Variants in EPS15L1 observed in about 807,000 individuals in gnomAD.
The protein encoded by EPS15L1 is epidermal growth factor receptor substrate 15-like 1.
A neutral mutation model predicts 117.1 loss-of-function variants in EPS15L1; 43 were observed. The observed-to-expected ratio is 0.37, with a 90% confidence interval of 0.29 to 0.47. The LOEUF (loss-of-function observed/expected upper bound fraction) is 0.47, where lower values mean the gene tolerates loss of function less well. EPS15L1 is among the 20% of genes least tolerant of loss of function. The probability of loss-of-function intolerance (pLI) is 0.99; values close to 1 mark genes in which losing one functional copy is unlikely to be tolerated. For missense variants in EPS15L1, 981 were observed against 1,164.0 expected, an observed-to-expected ratio of 0.84 and a Z score of 2.29; for synonymous variants, 459 against 470.5, an observed-to-expected ratio of 0.98 and a Z score of 0.32.
At chr19:16,401,278 T>G in intron 16 of EPS15L1, 1 of 985,454 alleles carries the variant, frequency 1.0e-6, no homozygotes. Flanking sequence ...ACGCGTGTGC[T>G]TCCCCATAAA....
At chr19:16,400,229 C>A (rs1165499679) in intron 16 of EPS15L1, among the ~76,000 whole-genome samples, 1 of 151,220 alleles carries the variant, frequency 6.6e-6, no homozygotes, top group East Asian at 2.0e-4. Context: ...CTCTGCTACT[C>A]GGGAGGCTGA....
chr19:16,459,175 G>A (rs114767904), intron 1 of EPS15L1, among the ~76,000 whole-genome samples: 149 of 152,334 alleles, frequency 9.8e-4, no homozygotes, highest in African/African-American at 3.4e-3. Context: ...AGTCCATCAT[G>A]GTTATGCGGT....
chr19:16,380,009 A>C (rs917403860), intron 21 of EPS15L1, among the ~76,000 whole-genome samples: 12 of 152,114 alleles, frequency 7.9e-5, no homozygotes, highest in Non-Finnish European at 8.8e-5. Flanking sequence ...GCAGCTGTCT[A>C]AAGCTCCAGC....
rs2092642738 is a variant in EPS15L1, at chr19:16,405,068, G to A, written c.1267-319C>T. 1.3e-5 allele frequency among the ~76,000 whole-genome samples: 2 copies of A among 152,248 alleles called. No individual in the cohort carries two copies. Among genetic ancestry groups the A allele is most frequent in the Admixed American group, 1.3e-4 (2 of 15,290 alleles). ...GACATGCAGCTGTGGCTGCGGAGGG[G>A]AACATCACCCAAACGCAAATAAACG... On this transcript the variant is annotated intron_variant, in intron 13 of 23. Transcript: ENST00000455140. This position sits in a 1 kb window ranked among gnomAD's most constrained non-coding sequence, Gnocchi z 4.0.
chr19:16,425,274 G>T lies in EPS15L1; in HGVS notation c.601C>A (p.Pro201Thr). 6.6e-7 allele frequency: 1 copy of T among 1,524,100 alleles called. No homozygotes were observed. The highest frequency in any genetic ancestry group is 9.0e-7 in the Non-Finnish European group (1 of 1,109,118). The allele number at this position is 1,524,100 out of a possible 1,614,324, so 94.4% of individuals were successfully genotyped here. A position where few individuals can be genotyped will look rare whatever the true frequency, so the allele number is the denominator to read the frequency against. Residue 201 changes from proline (P) to threonine (T), a missense_variant, in exon 9 of 24, where the codon CCC (proline) becomes ACC (threonine). Around this residue, in one of 5 missense-constraint regions of EPS15L1, gnomAD observed 819 missense variants for 949.0 expected, o/e 0.86. Coordinates refer to ENST00000455140, the MANE Select transcript of EPS15L1 (RefSeq NM_001258374.3). Reference protein sequence around the residue: ...VYRALEKEPVPSALPPSLIPP... With the variant: ...VYRALEKEPVTSALPPSLIPP... ...ATGAGGGACGGGGGCAGGGCGGAGG[G>T]CACGGGCTCCTTCTCCAGGGCTCGG...
At position 16,381,794 on chromosome 19, in the gene EPS15L1, C is replaced by T. The variant is rs374070120; in HGVS notation, c.2247+3335G>A. ...ACTGGCCCGTCTGTGGGTGCTTCTG[C>T]GATTCATGGAACATGTCCCTGGGCC... On this transcript the variant is annotated intron_variant, in intron 21 of 23. Coordinates refer to ENST00000455140, the MANE Select transcript of EPS15L1 (RefSeq NM_001258374.3). This position sits in a 1 kb window ranked among gnomAD's most constrained non-coding sequence, Gnocchi z 4.2. Among the ~76,000 whole-genome samples the T allele has an allele frequency of 1.1e-4, 17 of 152,312 alleles. No homozygotes were observed. Among genetic ancestry groups the T allele is most frequent in the African/African-American group, 3.1e-4 (13 of 41,578 alleles).
At chr19:16,358,695 G>T (rs2092014294) in intron 23 of EPS15L1, among the ~76,000 whole-genome samples, 1 of 152,232 alleles carries the variant, frequency 6.6e-6, no homozygotes, top group Non-Finnish European at 1.5e-5. Context: ...GAGGCGCCCG[G>T]CACCTGTCCT....
chr19:16,436,791 A>G lies in EPS15L1; in HGVS notation c.372+146T>C, dbSNP rs549014187. 869 of 633,616 alleles carry G rather than the reference A, an allele frequency of 1.4e-3. 10 individuals carry two copies. The highest frequency in any genetic ancestry group is 6.3e-3 in the South Asian group (297 of 46,800). 39.2% of individuals were successfully genotyped at this position (633,616 alleles called of 1,614,324 possible). On this transcript the variant is annotated intron_variant, in intron 6 of 23. Coordinates refer to ENST00000455140, the MANE Select transcript of EPS15L1 (RefSeq NM_001258374.3). ...TCATCCAAGTGCTGTGGCCACTCAC[A>G]CTGAGACAGAAGAGCTGACACAATC...
intron 19 of EPS15L1, among the ~76,000 whole-genome samples, chr19:16,388,598 C>G (rs2144756208): frequency 6.6e-6 from 1 of 152,232 alleles, no homozygotes; most frequent in East Asian, 1.9e-4. Flanking sequence ...GAGGCCAAGG[C>G]AGGCAGATCA....
At chr19:16,453,319 A>G (rs1353956370) in intron 1 of EPS15L1, among the ~76,000 whole-genome samples, 1 of 152,116 alleles carries the variant, frequency 6.6e-6, no homozygotes, top group Non-Finnish European at 1.5e-5. Flanking sequence ...TGCCCAGGCC[A>G]GTCTCTAACT....
At chr19:16,401,789 A>G in intron 16 of EPS15L1, 1 of 985,940 alleles carries the variant, frequency 1.0e-6, no homozygotes, top group Non-Finnish European at 1.2e-6. Context: ...AACATAACCA[A>G]AATTTCAGGA....
At chr19:16,466,467 T>C (rs537836113) in intron 1 of EPS15L1, among the ~76,000 whole-genome samples, 2 of 152,282 alleles carry the variant, frequency 1.3e-5, no homozygotes, top group African/African-American at 4.8e-5. Context: ...CATTTCTTTA[T>C]ATCTGGGCCC....
chr19:16,464,729 T>TACACTAGCACTAACACTA, intron 1 of EPS15L1, among the ~76,000 whole-genome samples: 1 of 148,630 alleles, frequency 6.7e-6, no homozygotes, highest in South Asian at 2.2e-4. Flanking sequence ...ACACATAAAA[T>TACACTAGCACTAACACTA]ACACTAACAC....
intron 10 of EPS15L1, among the ~76,000 whole-genome samples, chr19:16,418,846 C>G (rs188271560): frequency 6.6e-6 from 1 of 152,270 alleles, no homozygotes; most frequent in Admixed American, 6.5e-5. Flanking sequence ...AGGCAGTGAG[C>G]CCTCACCAGA....
At chr19:16,415,595 T>C (rs2092751057) in intron 12 of EPS15L1, among the ~76,000 whole-genome samples, 1 of 152,174 alleles carries the variant, frequency 6.6e-6, no homozygotes, top group Non-Finnish European at 1.5e-5. Context: ...CTTATGGCAG[T>C]GTGAAATCAT....
At chr19:16,448,167 A>C (rs952441355) in intron 1 of EPS15L1, among the ~76,000 whole-genome samples, 1 of 152,230 alleles carries the variant, frequency 6.6e-6, no homozygotes, top group African/African-American at 2.4e-5. Context: ...AAGAGTTCTT[A>C]GACTTGACAC....
At chr19:16,422,958 G>C (rs2092831942) in intron 9 of EPS15L1, among the ~76,000 whole-genome samples, 1 of 137,542 alleles carries the variant, frequency 7.3e-6, no homozygotes, top group Non-Finnish European at 1.6e-5. Flanking sequence ...ACTCCGTCTC[G>C]GGGAAAAAAA....
intron 19 of EPS15L1, among the ~76,000 whole-genome samples, chr19:16,388,869 G>A (rs1019803569): frequency 2.0e-5 from 3 of 152,010 alleles, no homozygotes; most frequent in African/African-American, 7.2e-5. Flanking sequence ...TCTCATTAAG[G>A]ACAATGGAGG....
In EPS15L1 at chr19:16,425,405, C is replaced by G. The variant is rs1039711301; in HGVS notation, c.559-89G>C. 5 of 865,866 alleles carry G rather than the reference C, an allele frequency of 5.8e-6. No individual in the cohort carries two copies. In the African/African-American group the frequency reaches 8.4e-5, roughly 14 times the overall value. The allele number at this position is 865,866 out of a possible 1,614,324, so 53.6% of individuals were successfully genotyped here. A position where few individuals can be genotyped will look rare whatever the true frequency, so the allele number is the denominator to read the frequency against. On this transcript the variant is annotated intron_variant, in intron 8 of 23. Coordinates refer to ENST00000455140, the MANE Select transcript of EPS15L1 (RefSeq NM_001258374.3). ...GCAGAGGGCAGCCCTTTGGGGGCTG[C>G]AGTGACAGGACACTCTGTCAGGACG... is the stretch of plus-strand genomic sequence containing the variant.
Sources: gnomAD v4.1 joint callset for allele counts (sites outside exome capture counted in the v4.1 genomes callset) on GRCh38, gnomAD v4.1.1 for gene constraint, gnomAD v4.1.1 regional missense constraint, Gnocchi (gnomAD v3.1) non-coding constraint, MANE v1.5 for transcripts, NCBI Gene and HGNC (gene_info 2026-07-23, HGNC 2026-07-21) for gene names.